The following KAZN variants were observed in gnomAD, a reference collection of about 807,000 sequenced individuals.
KAZN encodes kazrin, periplakin interacting protein.
KAZN carries 40 observed loss-of-function variants against 87.4 expected under a neutral mutation model. That is an observed-to-expected ratio of 0.46 (90% CI 0.36 to 0.60). The LOEUF (loss-of-function observed/expected upper bound fraction) is 0.60. Among genes scored for constraint, KAZN ranks in the 20% least tolerant of loss-of-function variants. The pLI is 0.00. For synonymous variants in KAZN, 466 were observed against 458.3 expected, an observed-to-expected ratio of 1.02 and a Z score of -0.22; for missense variants, 898 against 1,073.9, an observed-to-expected ratio of 0.84 and a Z score of 2.29.
intron 1 of KAZN, among the ~76,000 whole-genome samples, chr1:14,953,785 C>G (rs1459843541): frequency 6.6e-6 from 1 of 152,038 alleles, no homozygotes; most frequent in Admixed American, 6.6e-5. Context: ...GTAGCTCTAG[C>G]CATTGAGTCC....
At chr1:14,743,909 A>G (rs940895767) in intron 1 of KAZN, among the ~76,000 whole-genome samples, 7 of 152,152 alleles carry the variant, frequency 4.6e-5, no homozygotes, top group African/African-American at 1.7e-4. Context: ...AGAGGGGATC[A>G]ATCTTACCTC....
chr1:14,408,058 G>A (rs1245730686), intron 2 of KAZN, among the ~76,000 whole-genome samples: 1 of 152,148 alleles, frequency 6.6e-6, no homozygotes, highest in East Asian at 1.9e-4. Flanking sequence ...ATTCACCAGG[G>A]GGCTGCCCCT....
chr1:14,812,498 T>A (rs1646443133), intron 1 of KAZN, among the ~76,000 whole-genome samples: 1 of 152,202 alleles, frequency 6.6e-6, no homozygotes, highest in South Asian at 2.1e-4. Flanking sequence ...CACATTCATT[T>A]TTCAAGCCTG....
At chr1:14,541,958 G>A (rs1557787638) in intron 2 of KAZN, among the ~76,000 whole-genome samples, 1 of 152,180 alleles carries the variant, frequency 6.6e-6, no homozygotes, top group African/African-American at 2.4e-5. Context: ...TCAGGGCAGA[G>A]GCCTGTTGAG....
intron 2 of KAZN, among the ~76,000 whole-genome samples, chr1:14,240,375 G>A (rs1347936007): frequency 2.0e-5 from 3 of 152,226 alleles, no homozygotes. Flanking sequence ...CTCCAGGCAT[G>A]TGCAGCCCCC....
intron 2 of KAZN, among the ~76,000 whole-genome samples, chr1:14,508,866 G>A (rs1224207295): frequency 6.6e-6 from 1 of 152,216 alleles, no homozygotes; most frequent in Non-Finnish European, 1.5e-5. Flanking sequence ...AACCCGATCA[G>A]ACAGGAACAG....
At chr1:14,541,889 A>C (rs1672832647) in intron 2 of KAZN, among the ~76,000 whole-genome samples, 1 of 152,198 alleles carries the variant, frequency 6.6e-6, no homozygotes, top group Admixed American at 6.5e-5. Context: ...TCATCTGATG[A>C]TCGGGAGCAG....
At chr1:14,749,723 T>C (rs1644360364) in intron 1 of KAZN, among the ~76,000 whole-genome samples, 1 of 152,242 alleles carries the variant, frequency 6.6e-6, no homozygotes, top group South Asian at 2.1e-4. Flanking sequence ...CCCATTCAGA[T>C]TGAAAGCTAA....
chr1:14,189,199 G>A (rs929016449), intron 2 of KAZN, among the ~76,000 whole-genome samples: 5 of 152,092 alleles, frequency 3.3e-5, no homozygotes, highest in Admixed American at 3.3e-4. Context: ...GCTATTTTAA[G>A]TACTCACTTA....
At chr1:14,418,281 GC>G (rs991107372) in intron 2 of KAZN, among the ~76,000 whole-genome samples, 3 of 152,122 alleles carry the variant, frequency 2.0e-5, no homozygotes, top group Non-Finnish European at 4.4e-5. Flanking sequence ...ACCCTGGCAG[GC>G]TATCTAACCT....
intron 1 of KAZN, among the ~76,000 whole-genome samples, chr1:14,151,688 G>A (rs1645476815): frequency 6.6e-6 from 1 of 152,176 alleles, no homozygotes. Flanking sequence ...CAGAGAAAGT[G>A]GGCATATTTT....
intron 13 of KAZN, among the ~76,000 whole-genome samples, chr1:15,109,959 A>C (rs797013440): frequency 2.0e-5 from 1 of 50,916 alleles, no homozygotes. Flanking sequence ...ATGTGTTTGT[A>C]TATGTGTGTT....
intron 1 of KAZN, among the ~76,000 whole-genome samples, chr1:14,755,749 T>G (rs1572402061): frequency 6.6e-6 from 1 of 152,172 alleles, no homozygotes; most frequent in African/African-American, 2.4e-5. Flanking sequence ...GGTGCTTTAA[T>G]GATCACTCAG....
intron 1 of KAZN, among the ~76,000 whole-genome samples, chr1:14,785,128 C>G (rs1645471307): frequency 6.6e-6 from 1 of 151,874 alleles, no homozygotes; most frequent in Non-Finnish European, 1.5e-5. Flanking sequence ...GTAACAGGGA[C>G]CAATGTCAGC....
At chr1:14,587,471 C>T (rs1223437783) in intron 2 of KAZN, among the ~76,000 whole-genome samples, 2 of 151,628 alleles carry the variant, frequency 1.3e-5, no homozygotes, top group Middle Eastern at 3.4e-3. Flanking sequence ...AGAGGTTTAC[C>T]TGGCTTACAC....
At chr1:14,740,030 G>A (rs1285333764) in intron 1 of KAZN, among the ~76,000 whole-genome samples, 1 of 152,128 alleles carries the variant, frequency 6.6e-6, no homozygotes. Flanking sequence ...TTCCTTTCTA[G>A]GAGGCACCTG....
chr1:14,921,629 C>T (rs1400077331), intron 1 of KAZN, among the ~76,000 whole-genome samples: 2 of 152,240 alleles, frequency 1.3e-5, no homozygotes, highest in Non-Finnish European at 2.9e-5. Flanking sequence ...CCTAATGTCT[C>T]TCTGATACCA....
Position 14,132,320 on chromosome 1 carries a change from G to T in KAZN, c.92-48115G>T, listed in dbSNP as rs549290210. 2.6e-5 allele frequency among the ~76,000 whole-genome samples: 4 copies of T among 152,252 alleles called. No homozygotes were observed. In the South Asian group the frequency reaches 8.3e-4, roughly 32 times the overall value. ...GGTAGGCTTCAGATAAAGGCCTGAG[G>T]CAGAAAAGCAGGGGGTCACAGCAGG... is the stretch of plus-strand genomic sequence containing the variant. On this transcript the variant is annotated intron_variant, in intron 1 of 16. Coordinates refer to the KAZN transcript ENST00000636203.
At chr1:14,365,374 GGGGGGGGGT>G (rs1659906320) in intron 2 of KAZN, among the ~76,000 whole-genome samples, 1 of 150,476 alleles carries the variant, frequency 6.6e-6, no homozygotes, top group Non-Finnish European at 1.5e-5. Context: ...GGGGTGGGGG[GGGGGGGGGT>G]CTTTCAAGGT....
Sources: allele counts gnomAD v4.1 joint callset (sites outside exome capture counted in the v4.1 genomes callset), GRCh38; gene constraint gnomAD v4.1.1; transcripts MANE v1.5; gene names NCBI Gene and HGNC (gene_info 2026-07-23, HGNC 2026-07-21).